CAMK4: variants seen among roughly 807,000 people sequenced by gnomAD.
CAMK4 encodes calcium/calmodulin dependent protein kinase IV.
CAMK4 carries 22 observed loss-of-function variants against 44.9 expected under a neutral mutation model. The ratio of observed to expected loss-of-function variants is 0.49; its 90% CI spans 0.35 to 0.70. The LOEUF (loss-of-function observed/expected upper bound fraction) is 0.70, where lower values mean the gene tolerates loss of function less well. Among genes scored for constraint, CAMK4 ranks in the 30% least tolerant of loss-of-function variants. The pLI is 0.01. For synonymous variants in CAMK4, 218 were observed against 215.4 expected, an observed-to-expected ratio of 1.01 and a Z score of -0.11; for missense variants, 498 against 586.8, an observed-to-expected ratio of 0.85 and a Z score of 1.56.
chr5:111,420,546 T>G (rs1256825704), intron 5 of CAMK4, among the ~76,000 whole-genome samples: 1 of 152,048 alleles, frequency 6.6e-6, no homozygotes, highest in African/African-American at 2.4e-5. Context: ...CTGACCAAAA[T>G]TATTAGGTGG....
At chr5:111,316,202 C>T (rs1748415536) in intron 1 of CAMK4, among the ~76,000 whole-genome samples, 1 of 152,158 alleles carries the variant, frequency 6.6e-6, no homozygotes, top group Non-Finnish European at 1.5e-5. Context: ...CCTCCCTTGG[C>T]CATTCCTGCT....
chr5:111,460,406 G>A (rs891022298), intron 7 of CAMK4, among the ~76,000 whole-genome samples: 1 of 151,248 alleles, frequency 6.6e-6, no homozygotes, highest in African/African-American at 2.4e-5. Context: ...TGAGTAGCTG[G>A]GACCACAAGC....
chr5:111,426,665 A>G (rs892854666), intron 5 of CAMK4, among the ~76,000 whole-genome samples: 3 of 152,138 alleles, frequency 2.0e-5, no homozygotes, highest in African/African-American at 7.2e-5. Flanking sequence ...TGGTACCAGC[A>G]TGGTAAGGAG....
intron 1 of CAMK4, among the ~76,000 whole-genome samples, chr5:111,276,420 G>A (rs1750764502): frequency 6.6e-6 from 1 of 151,992 alleles, no homozygotes. Context: ...TTAGCCTTTT[G>A]GCATTCTGTC....
intron 7 of CAMK4, among the ~76,000 whole-genome samples, chr5:111,455,332 T>C (rs1379991671): frequency 4.6e-5 from 7 of 152,154 alleles, no homozygotes; most frequent in African/African-American, 1.7e-4. Context: ...ATTTCATATA[T>C]ACTATGACTG....
chr5:111,338,570 A>G (rs999275810), intron 1 of CAMK4, among the ~76,000 whole-genome samples: 8 of 151,194 alleles, frequency 5.3e-5, no homozygotes, highest in Non-Finnish European at 7.4e-5. Flanking sequence ...TGGTTCCTTG[A>G]TTTTCTTCTA....
chr5:111,281,926 C>T (rs373531649), intron 1 of CAMK4, among the ~76,000 whole-genome samples: 24 of 151,714 alleles, frequency 1.6e-4, no homozygotes, highest in East Asian at 7.7e-4. Flanking sequence ...GGCGAGGTGG[C>T]GGGCGCCTGT....
At chr5:111,424,950 G>A (rs1561479921) in intron 5 of CAMK4, among the ~76,000 whole-genome samples, 2 of 151,904 alleles carry the variant, frequency 1.3e-5, no homozygotes. Context: ...GATCACCTGA[G>A]GTCACGAGTT....
At chr5:111,429,499 G>C (rs980563724) in intron 5 of CAMK4, among the ~76,000 whole-genome samples, 1 of 150,416 alleles carries the variant, frequency 6.6e-6, no homozygotes, top group Non-Finnish European at 1.5e-5. Flanking sequence ...AGGTGGAGTG[G>C]CTCACACTTG....
chr5:111,321,327 C>T (rs919837686), intron 1 of CAMK4, among the ~76,000 whole-genome samples: 1 of 152,132 alleles, frequency 6.6e-6, no homozygotes, highest in East Asian at 1.9e-4. Context: ...TGAAATCTCC[C>T]AATTTTTATA....
At chr5:111,385,507 A>G (rs1580683504) in intron 4 of CAMK4, among the ~76,000 whole-genome samples, 1 of 152,020 alleles carries the variant, frequency 6.6e-6, no homozygotes, top group Admixed American at 6.6e-5. Flanking sequence ...GCAAGCAGGG[A>G]CTAGATATTT....
At chr5:111,307,972 C>T (rs1237691643) in intron 1 of CAMK4, among the ~76,000 whole-genome samples, 1 of 76,924 alleles carries the variant, frequency 1.3e-5, no homozygotes, top group Non-Finnish European at 2.4e-5. Flanking sequence ...AAATTGGAAA[C>T]CATCATTCTC....
intron 4 of CAMK4, among the ~76,000 whole-genome samples, chr5:111,381,657 T>C (rs1751420277): frequency 6.6e-6 from 1 of 152,166 alleles, no homozygotes; most frequent in Non-Finnish European, 1.5e-5. Context: ...GGAACAATAC[T>C]TTACATCCTT....
chr5:111,353,765 C>T (rs1210087130), intron 2 of CAMK4, among the ~76,000 whole-genome samples: 1 of 152,006 alleles, frequency 6.6e-6, no homozygotes, highest in Non-Finnish European at 1.5e-5. Context: ...GCATCAAAAA[C>T]TTAAAATGCT....
chr5:111,338,331 GC>G (rs1749495807), intron 1 of CAMK4, among the ~76,000 whole-genome samples: 1 of 150,888 alleles, frequency 6.6e-6, no homozygotes, highest in Non-Finnish European at 1.5e-5. Flanking sequence ...GTTCCTCCTG[GC>G]TAATTAAACA....
Position 111,473,401 on chromosome 5 carries a change from G to A in CAMK4, c.701+15G>A, listed in dbSNP as rs1755131875. 1 of 1,528,326 alleles carries A rather than the reference G, an allele frequency of 6.5e-7. No homozygotes were observed. The highest frequency in any genetic ancestry group is 1.4e-5 in the African/African-American group (1 of 73,240). The allele number at this position is 1,528,326 out of a possible 1,614,324, so 94.7% of individuals were successfully genotyped here. A position where few individuals can be genotyped will look rare whatever the true frequency, so the allele number is the denominator to read the frequency against. ...ACCTACATCTTGTAAGTGAAGAAAA[G>A]CAATATTTATGTAAACTATTTACCT... is the stretch of plus-strand genomic sequence containing the variant. On this transcript the variant is annotated intron_variant, in intron 8 of 10. Transcript: ENST00000282356.
chr5:111,343,810 G>T lies in CAMK4; in HGVS notation c.162-214G>T, dbSNP rs921379266. On this transcript the variant is annotated intron_variant, in intron 1 of 10. Coordinates refer to ENST00000282356, the MANE Select transcript of CAMK4 (RefSeq NM_001744.6). ...ATAGGGATAAGGCAGAAGGAAAAGA[G>T]CAAGCTGGAAAACCTAGAATTTTTT... Among the ~76,000 whole-genome samples the T allele has an allele frequency of 4.0e-5, 6 of 151,696 alleles. No homozygotes were observed. In the South Asian group the frequency reaches 1.2e-3, roughly 31 times the overall value.
rs757802886 is a variant in CAMK4, at chr5:111,224,435, G to GGGCAGCGGCGGC, written c.-45_-34dup. 1.0e-3 allele frequency: 1,589 copies of GGGCAGCGGCGGC among 1,534,166 alleles called. 10 individuals carry two copies. The highest frequency in any genetic ancestry group is 6.2e-3 in the Middle Eastern group (27 of 4,358). On this transcript the variant is annotated 5_prime_UTR_variant, in exon 1 of 11. Transcript: ENST00000282356. This position sits in a 1 kb window ranked among gnomAD's most constrained non-coding sequence, Gnocchi z 5.7. ...GCGGCTGGCGGCCGGCTTCTCGCTC[G>GGGCAGCGGCGGC]GGCAGCGGCGGCGGCGGCGGCGGCG...
intron 1 of CAMK4, among the ~76,000 whole-genome samples, chr5:111,258,327 C>A (rs1016068370): frequency 1.3e-5 from 2 of 152,014 alleles, no homozygotes; most frequent in African/African-American, 4.8e-5. Context: ...CAGAAAATAC[C>A]GCATTCAGGC....
Sources: allele counts gnomAD v4.1 joint callset (sites outside exome capture counted in the v4.1 genomes callset), GRCh38; gene constraint gnomAD v4.1.1; non-coding constraint Gnocchi (gnomAD v3.1); transcripts MANE v1.5; gene names NCBI Gene and HGNC (gene_info 2026-07-23, HGNC 2026-07-21).